Variants in TNKS observed in about 807,000 individuals in gnomAD.
TNKS encodes tankyrase.
TNKS carries 72 observed loss-of-function variants against 135.8 expected under a neutral mutation model. That is an observed-to-expected ratio of 0.53 (90% confidence interval 0.44 to 0.64). The LOEUF (loss-of-function observed/expected upper bound fraction) is 0.64, where lower values mean the gene tolerates loss of function less well. TNKS is among the 30% of genes least tolerant of loss of function. The probability of loss-of-function intolerance (pLI) is 0.00; values close to 1 mark genes in which losing one functional copy is unlikely to be tolerated. For missense variants in TNKS, 1,769 were observed against 1,674.0 expected (o/e 1.06, Z -0.99); for synonymous variants, 849 against 649.3 (o/e 1.31, Z -4.68).
At chr8:9,590,168 C>A (rs1457806680) in intron 2 of TNKS, among the ~76,000 whole-genome samples, 1 of 152,134 alleles carries the variant, frequency 6.6e-6, no homozygotes, top group East Asian at 1.9e-4. Context: ...CACCCGGACT[C>A]ATCTTCAGGG....
At chr8:9,740,864 C>T (rs1299846251) in intron 17 of TNKS, 1 of 121,298 alleles carries the variant, frequency 8.2e-6, no homozygotes, top group Non-Finnish European at 1.6e-5. Context: ...GGTCGGACTG[C>T]AGTGGCGCTA....
At chr8:9,613,200 C>T (rs546193662) in intron 2 of TNKS, among the ~76,000 whole-genome samples, 1 of 152,264 alleles carries the variant, frequency 6.6e-6, no homozygotes, top group East Asian at 1.9e-4. Context: ...TACTATCAGG[C>T]CTACTACAGA....
intron 10 of TNKS, 34 bp from the exon 11 acceptor site, chr8:9,710,108 C>A: frequency 3.1e-6 from 5 of 1,610,402 alleles, no homozygotes; most frequent in Non-Finnish European, 4.2e-6. Flanking sequence ...AAAAGAGAGA[C>A]AATTACCTTT....
chr8:9,660,996 G>A (rs1411750498), intron 3 of TNKS, among the ~76,000 whole-genome samples: 2 of 149,046 alleles, frequency 1.3e-5, no homozygotes, highest in African/African-American at 5.0e-5. Flanking sequence ...GCTTCAAAAA[G>A]AATAAAATAC....
chr8:9,618,060 C>G (rs1351112077), intron 3 of TNKS, among the ~76,000 whole-genome samples: 1 of 145,536 alleles, frequency 6.9e-6, no homozygotes, highest in Non-Finnish European at 1.5e-5. Flanking sequence ...GATCTCAGCT[C>G]ACTGCAACCT....
intron 3 of TNKS, among the ~76,000 whole-genome samples, chr8:9,626,383 G>A (rs753973964): frequency 5.3e-5 from 8 of 152,118 alleles, no homozygotes; most frequent in Non-Finnish European, 1.2e-4. Context: ...ATACTTAGGC[G>A]CTGTGAGATT....
intron 2 of TNKS, among the ~76,000 whole-genome samples, chr8:9,598,763 GTGTATATATATATA>G (rs1798896398): frequency 1.0e-4 from 6 of 58,722 alleles, no homozygotes; most frequent in African/African-American, 2.3e-4. Context: ...ATATGTGTGT[GTGTATATATATATA>G]TATATATATA....
At chr8:9,606,622 A>G (rs1026778698) in intron 2 of TNKS, among the ~76,000 whole-genome samples, 1 of 152,032 alleles carries the variant, frequency 6.6e-6, no homozygotes. Flanking sequence ...AGTCTTTGAA[A>G]TTTTTTATAA....
In TNKS at chr8:9,556,500, G is replaced by A. The variant is rs140803272; in HGVS notation, c.561G>A (p.Leu187=). 591 of 1,614,196 alleles carry A rather than the reference G, an allele frequency of 3.7e-4. 1 individual carries two copies. Among genetic ancestry groups the A allele is most frequent in the Non-Finnish European group, 1.8e-4 (218 of 1,180,044 alleles). Residue 187 remains leucine (L), a synonymous_variant, in exon 1 of 27, where the codon CTG becomes CTA. Transcript: ENST00000310430. The part of the protein sequence containing the change: ...PAVSGALREL[L]EACRNGDVSR... ...TGAGCGGGGCCCTACGGGAACTGCTGGAGGCCTGTCGCAATGGGGACGTGT... is the reference window on the plus strand; with the variant it reads ...TGAGCGGGGCCCTACGGGAACTGCTAGAGGCCTGTCGCAATGGGGACGTGT...
intron 3 of TNKS, among the ~76,000 whole-genome samples, chr8:9,652,023 A>C (rs1185392142): frequency 6.6e-6 from 1 of 152,218 alleles, no homozygotes; most frequent in Non-Finnish European, 1.5e-5. Flanking sequence ...ATTTAAAGTA[A>C]ATGTGAAGTT....
intron 2 of TNKS, among the ~76,000 whole-genome samples, chr8:9,588,477 C>T (rs1270800400): frequency 6.6e-6 from 1 of 152,134 alleles, no homozygotes; most frequent in African/African-American, 2.4e-5. Flanking sequence ...AGGATTTCAC[C>T]ATGTTAGCCA....
intron 3 of TNKS, among the ~76,000 whole-genome samples, chr8:9,638,636 C>T (rs1225407752): frequency 6.6e-6 from 1 of 152,064 alleles, no homozygotes; most frequent in Admixed American, 6.6e-5. Flanking sequence ...TCATTCTTTT[C>T]AGACAAAAAT....
At chr8:9,672,372 C>A (rs1001760562) in intron 3 of TNKS, among the ~76,000 whole-genome samples, 14 of 152,118 alleles carry the variant, frequency 9.2e-5, no homozygotes, top group African/African-American at 2.6e-4. Context: ...CCCGTGGAGA[C>A]TGGGGCTGTA....
chr8:9,661,928 T>C (rs968926701), intron 3 of TNKS, among the ~76,000 whole-genome samples: 2 of 152,126 alleles, frequency 1.3e-5, no homozygotes, highest in Non-Finnish European at 2.9e-5. Context: ...GGGCAAAGGG[T>C]ATGAACAGAC....
At chr8:9,637,727 T>C (rs1383115632) in intron 3 of TNKS, among the ~76,000 whole-genome samples, 1 of 152,214 alleles carries the variant, frequency 6.6e-6, no homozygotes, top group Admixed American at 6.5e-5. Context: ...CATTTGCTTA[T>C]ACTCTTTGTA....
At chr8:9,592,911 C>G (rs1377220437) in intron 2 of TNKS, among the ~76,000 whole-genome samples, 1 of 152,164 alleles carries the variant, frequency 6.6e-6, no homozygotes, top group African/African-American at 2.4e-5. Flanking sequence ...ATTTTATAGT[C>G]ATATGCAAAT....
At chr8:9,700,474 C>T (rs1803742267) in intron 5 of TNKS, among the ~76,000 whole-genome samples, 1 of 152,238 alleles carries the variant, frequency 6.6e-6, no homozygotes, top group Non-Finnish European at 1.5e-5. Context: ...GCCTTAACCT[C>T]TTCTGAATTC....
In TNKS at chr8:9,680,029, G is replaced by T. The variant is rs777812460; in HGVS notation, c.1031+42G>T. 2.6e-5 allele frequency: 39 copies of T among 1,474,096 alleles called. No homozygotes were observed. In the Admixed American group the frequency reaches 5.9e-4, roughly 22 times the overall value. The allele number at this position is 1,474,096 out of a possible 1,614,324, so 91.3% of individuals were successfully genotyped here. ...ATTTTAAGTGTATATAATGCATTAAGGAAGAGAAGGAGGAGGGCAGGTGGA... is the reference window on the plus strand; with the variant it reads ...ATTTTAAGTGTATATAATGCATTAATGAAGAGAAGGAGGAGGGCAGGTGGA... On this transcript the variant is annotated intron_variant, in intron 4 of 26. Transcript: ENST00000310430.
intron 1 of TNKS, chr8:9,557,850 A>C (rs1815396260): frequency 6.6e-6 from 1 of 152,214 alleles, no homozygotes; most frequent in Non-Finnish European, 1.5e-5. Flanking sequence ...TCGATCGCTT[A>C]AATAAGTCCA....
Sources: allele counts gnomAD v4.1 joint callset (sites outside exome capture counted in the v4.1 genomes callset), GRCh38; gene constraint gnomAD v4.1.1; transcripts MANE v1.5; gene names NCBI Gene and HGNC (gene_info 2026-07-23, HGNC 2026-07-21).